Variants in ABCA13 observed in about 807,000 individuals in gnomAD.
The protein encoded by ABCA13 is ATP-binding cassette sub-family A member 13.
Under a neutral mutation model 478.7 loss-of-function variants are expected in ABCA13, and 476 were observed. The observed-to-expected ratio is 0.99, with a 90% confidence interval of 0.92 to 1.07. The LOEUF is 1.07. ABCA13 is among the 50% of genes least tolerant of loss of function. ABCA13 has a pLI of 0.00. For missense variants in ABCA13, 6,060 were observed against 5,910.6 expected (o/e 1.03, Z -0.83); for synonymous variants, 2,252 against 2,158.9 (o/e 1.04, Z -1.20).
At chr7:48,539,331 T>C (rs1266826507) in intron 55 of ABCA13, among the ~76,000 whole-genome samples, 2 of 152,162 alleles carry the variant, frequency 1.3e-5, no homozygotes, top group Non-Finnish European at 2.9e-5. Context: ...TTTTTTTGCT[T>C]TTAGCAGTTT....
At chr7:48,194,426 T>C (rs930733502) in intron 2 of ABCA13, among the ~76,000 whole-genome samples, 1 of 152,036 alleles carries the variant, frequency 6.6e-6, no homozygotes, top group Non-Finnish European at 1.5e-5. Flanking sequence ...ATATTGATGG[T>C]GATGATAGTG....
rs182721057 is a variant in ABCA13 at position 48,624,469 on chromosome 7, A to T, written c.14837+9092A>T. On this transcript the variant is annotated intron_variant, in intron 59 of 61. Coordinates refer to ENST00000435803, the MANE Select transcript of ABCA13 (RefSeq NM_152701.5). ...TCTGAAGCACAGAGTTTACAATGTG[A>T]AATACTCCAGGCCAATTTATGATTT... Among the ~76,000 whole-genome samples, 206 of 152,242 alleles carry T rather than the reference A, an allele frequency of 1.4e-3. 2 individuals are homozygous for T. The highest frequency in any genetic ancestry group is 0.011 in the Admixed American group (169 of 15,294).
In ABCA13 at chr7:48,275,383, T is replaced by C; in HGVS notation, c.5717T>C (p.Val1906Ala). 1.2e-6 allele frequency: 2 copies of C among 1,613,958 alleles called. No individual in the cohort carries two copies. Among genetic ancestry groups the C allele is most frequent in the Non-Finnish European group, 1.7e-6 (2 of 1,179,874 alleles). ...WNSILLELSEVFHVNISLVKT... is the reference protein window; with the variant it reads ...WNSILLELSEAFHVNISLVKT... ...TCTATTCTTCTGGAGCTCTCTGAAG[T>C]CTTCCATGTTAACATTTCTCTTGTG... The change falls in exon 17 of 62, where the codon GTC (valine) becomes GCC (alanine). Residue 1906 changes from valine (V) to alanine (A), a missense_variant. Val to Ala is a moderately conservative substitution (Grantham distance 64). Transcript: ENST00000435803.
At chr7:48,562,860 CAT>C (rs1786603921) in intron 55 of ABCA13, among the ~76,000 whole-genome samples, 1 of 151,974 alleles carries the variant, frequency 6.6e-6, no homozygotes, top group South Asian at 2.1e-4. Context: ...ATAATATAAA[CAT>C]GTGGTATCAT....
chr7:48,565,700 G>A (rs916199764), intron 55 of ABCA13, among the ~76,000 whole-genome samples: 1 of 152,168 alleles, frequency 6.6e-6, no homozygotes, highest in African/African-American at 2.4e-5. Context: ...TAATCCATAT[G>A]TAAGAAACAA....
At position 48,203,099 on chromosome 7, in the gene ABCA13, C is replaced by T. The variant is rs557644960; in HGVS notation, c.287+4739C>T. Among the ~76,000 whole-genome samples the T allele has an allele frequency of 2.0e-5, 3 of 152,354 alleles. No individual in the cohort carries two copies. The South Asian group carries it at 6.2e-4, about 32-fold the overall frequency. On this transcript the variant is annotated intron_variant, in intron 3 of 61. Coordinates refer to ENST00000435803, the MANE Select transcript of ABCA13 (RefSeq NM_152701.5). ...GCCCGGCGAGAAATCGAGCGCAGCG[C>T]CGGTGGGCCGGCACTGCTGGGGAAC...
At chr7:48,567,441 A>C (rs999971879) in intron 55 of ABCA13, among the ~76,000 whole-genome samples, 1 of 151,982 alleles carries the variant, frequency 6.6e-6, no homozygotes, top group Non-Finnish European at 1.5e-5. Context: ...ATGGCTTTAC[A>C]TTGTTAGGGA....
Position 48,273,520 on chromosome 7 carries a change from T to C in ABCA13, c.3854T>C (p.Leu1285Pro). 1 of 1,588,688 alleles carries C rather than the reference T, an allele frequency of 6.3e-7. No homozygotes were observed. The highest frequency in any genetic ancestry group is 2.3e-5 in the East Asian group (1 of 44,196). Residue 1285 changes from leucine to proline, a missense_variant, in exon 17 of 62, where the codon CTT (leucine) becomes CCT (proline). This residue lies in a region of ABCA13 where 4,423 missense variants were observed against 4,309.1 expected (regional missense o/e 1.03). Transcript: ENST00000435803. The part of the protein sequence containing the change: ...STSREFLNSL[L>P]EVFIEFSSTS... Reference sequence around the variant, plus strand: ...AGCAGAGAGTTTTTAAATTCTCTGCTTGAAGTTTTCATTGAGTTTAGCAGT... The same window carrying C: ...AGCAGAGAGTTTTTAAATTCTCTGCCTGAAGTTTTCATTGAGTTTAGCAGT...
intron 55 of ABCA13, among the ~76,000 whole-genome samples, chr7:48,556,839 T>C (rs1461871697): frequency 6.6e-6 from 1 of 152,024 alleles, no homozygotes; most frequent in African/African-American, 2.4e-5. Flanking sequence ...ACTCCTGCTA[T>C]GTTATTGTTT....
At chr7:48,520,003 C>A (rs771200902) in intron 52 of ABCA13, 38 bp from the exon 53 acceptor site, 23 of 1,557,580 alleles carry the variant, frequency 1.5e-5, no homozygotes, top group Non-Finnish European at 1.9e-5. Flanking sequence ...AGGGGAATAG[C>A]TTTTAATTGG....
chr7:48,583,483 G>A (rs1788892383), intron 56 of ABCA13, among the ~76,000 whole-genome samples: 2 of 152,136 alleles, frequency 1.3e-5, no homozygotes, highest in Admixed American at 1.3e-4. Flanking sequence ...GAATCTCAGG[G>A]CAATTTATTT....
intron 39 of ABCA13, among the ~76,000 whole-genome samples, chr7:48,407,388 A>C (rs1818404420): frequency 6.6e-6 from 1 of 151,700 alleles, no homozygotes. Context: ...AGACATGAGA[A>C]TCACTTGAAC....
rs1187637951 is a variant in ABCA13 at position 48,645,943 on chromosome 7, T to C, written c.*431T>C. ...AAAAAACTTTAGTAACTTGTTTGTA[T>C]AGAAAATAGTAACAAGGACTATTTT... On this transcript the variant is annotated 3_prime_UTR_variant, in exon 62 of 62. Transcript: ENST00000435803. 6.0e-6 allele frequency: 1 copy of C among 165,660 alleles called. No individual in the cohort carries two copies. The highest frequency in any genetic ancestry group is 2.4e-5 in the African/African-American group (1 of 41,508). The allele number at this position is 165,660 out of a possible 1,614,324, so 10.3% of individuals were successfully genotyped here. A position where few individuals can be genotyped will look rare whatever the true frequency, so the allele number is the denominator to read the frequency against.
intron 31 of ABCA13, among the ~76,000 whole-genome samples, chr7:48,361,829 T>C (rs1380541646): frequency 2.0e-5 from 3 of 151,852 alleles, no homozygotes; most frequent in Non-Finnish European, 4.4e-5. Flanking sequence ...CAGGTGAAAA[T>C]TCTCAAGAAT....
At chr7:48,459,175 G>A (rs1033144877) in intron 43 of ABCA13, among the ~76,000 whole-genome samples, 1 of 152,118 alleles carries the variant, frequency 6.6e-6, no homozygotes, top group Non-Finnish European at 1.5e-5. Context: ...AGAGGAGGGT[G>A]GTGCATCTCT....
intron 29 of ABCA13, among the ~76,000 whole-genome samples, chr7:48,343,843 G>A (rs572662810): frequency 6.6e-6 from 1 of 152,128 alleles, no homozygotes; most frequent in South Asian, 2.1e-4. Flanking sequence ...TACTCTAAGT[G>A]GGGTTTCCTC....
intron 58 of ABCA13, among the ~76,000 whole-genome samples, chr7:48,609,582 G>A (rs67429470): frequency 0.12 from 18,198 of 152,154 alleles, 1,419 homozygotes; most frequent in Admixed American, 0.22. Flanking sequence ...TTCTTACTAA[G>A]GGAGTTGAAA....
chr7:48,478,205 GAT>G (rs937332316), intron 45 of ABCA13, among the ~76,000 whole-genome samples: 3 of 145,830 alleles, frequency 2.1e-5, no homozygotes, highest in Admixed American at 6.9e-5. Flanking sequence ...AAAATGATAT[GAT>G]ATATATACAT....
At chr7:48,341,992 C>T (rs1052822822) in intron 29 of ABCA13, among the ~76,000 whole-genome samples, 2 of 149,368 alleles carry the variant, frequency 1.3e-5, no homozygotes, top group African/African-American at 4.9e-5. Context: ...ATTACCTTAA[C>T]TGCATCTCAC....
Sources: gnomAD v4.1 joint callset for allele counts (sites outside exome capture counted in the v4.1 genomes callset) on GRCh38, gnomAD v4.1.1 for gene constraint, gnomAD v4.1.1 regional missense constraint, MANE v1.5 for transcripts, NCBI Gene and HGNC (gene_info 2026-07-23, HGNC 2026-07-21) for gene names.